Variants in GNAS observed in about 807,000 individuals in gnomAD.
GNAS encodes the protein protein ALEX.
A neutral mutation model predicts 54.5 loss-of-function variants in GNAS; 8 were observed. The observed-to-expected ratio is 0.15, with a 90% CI of 0.09 to 0.26. GNAS has a LOEUF of 0.26. GNAS is among the 10% of genes least tolerant of loss of function. The pLI is 1.00. For missense variants in GNAS, 170 were observed against 529.8 expected, an observed-to-expected ratio of 0.32 and a Z score of 6.67; for synonymous variants, 204 against 191.4, an observed-to-expected ratio of 1.07 and a Z score of -0.54.
At chr20:58,850,104 T>C (rs2086098088) in intron 1 of GNAS, among the ~76,000 whole-genome samples, 1 of 152,128 alleles carries the variant, frequency 6.6e-6, no homozygotes, top group African/African-American at 2.4e-5. Context: ...CCTTTGTTCG[T>C]GGTGGGCAAA....
Position 58,875,813 on chromosome 20 carries a change from C to A in GNAS, c.44-19799C>A, listed in dbSNP as rs143125425. Among the ~76,000 whole-genome samples, 241 of 152,258 alleles carry A rather than the reference C, an allele frequency of 1.6e-3. 3 individuals are homozygous for A. Among genetic ancestry groups the A allele is most frequent in the African/African-American group, 5.1e-3 (213 of 41,536 alleles). ...CCAGCGTCCACGGCTATGACACATA[C>A]AACAGTCAGGAAATAAAAGAGGCTT... On this transcript the variant is annotated intron_variant, in intron 1 of 12. Coordinates refer to the GNAS transcript ENST00000306090.
chr20:58,909,433 C>CTGTT lies in GNAS; in HGVS notation c.659+11_659+14dup, dbSNP rs767379134. ...ACAAAGTCAACTTCCAGTAAGCCAA[C>CTGTT]TGTTACCTTTTTATATAACAGAGAT... On this transcript the variant is annotated intron_variant, in intron 8 of 12. Transcript: ENST00000371085. The surrounding 1 kb of genome is among the most constrained non-coding windows in gnomAD (Gnocchi z 7.3). 8 of 1,612,206 alleles carry CTGTT rather than the reference C, an allele frequency of 5.0e-6. No individual in the cohort carries two copies. In the East Asian group the frequency reaches 1.6e-4, roughly 31 times the overall value.
chr20:58,868,528 A>G (rs959358002), intron 1 of GNAS, among the ~76,000 whole-genome samples: 8 of 146,286 alleles, frequency 5.5e-5, no homozygotes, highest in Admixed American at 5.4e-4. Flanking sequence ...GGCAGGCTCA[A>G]AGTGGGGCAT....
At chr20:58,845,789 C>T (rs2085920357) in intron 1 of GNAS, among the ~76,000 whole-genome samples, 1 of 152,202 alleles carries the variant, frequency 6.6e-6, no homozygotes, top group African/African-American at 2.4e-5. Flanking sequence ...AGCCTAGTGA[C>T]TTAGTTCTCC....
In GNAS at chr20:58,880,038, ATCTC is replaced by A. The variant is rs751856108; in HGVS notation, c.44-15562_44-15559del. ...AAGTCACCAAAACTGAGACTAGATA[ATCTC>A]TCTCTCTCTCTTTTTCCTCGTGTGC... is the stretch of plus-strand genomic sequence containing the variant. On this transcript the variant is annotated intron_variant, in intron 1 of 12. Transcript: ENST00000306090. Among the ~76,000 whole-genome samples, 4 of 151,786 alleles carry A rather than the reference ATCTC, an allele frequency of 2.6e-5. 1 individual carries two copies. The South Asian group carries it at 8.4e-4, about 32-fold the overall frequency.
intron 1 of GNAS, among the ~76,000 whole-genome samples, chr20:58,875,012 T>C (rs965691172): frequency 1.1e-4 from 16 of 152,254 alleles, no homozygotes; most frequent in African/African-American, 3.6e-4. Flanking sequence ...CAGCATATGA[T>C]AGTGACCTTT....
Position 58,910,947 on chromosome 20 carries a change from T to TCC in GNAS, c.*122_*123dup, listed in dbSNP as rs750236628. ...ATGATTAACAAAGCAACCTTTCCCT[T>TCC]CCCCCGAGTGATTTTGCGAAACCCC... On this transcript the variant is annotated 3_prime_UTR_variant, in exon 13 of 13. Coordinates refer to ENST00000371085, the MANE Select transcript of GNAS (RefSeq NM_000516.7). The surrounding 1 kb of genome is among the most constrained non-coding windows in gnomAD (Gnocchi z 5.8). 97 of 1,029,014 alleles carry TCC rather than the reference T, an allele frequency of 9.4e-5. No individual in the cohort carries two copies. The highest frequency in any genetic ancestry group is 1.2e-5 in the Non-Finnish European group (8 of 673,850). The allele number at this position is 1,029,014 out of a possible 1,614,324, so 63.7% of individuals were successfully genotyped here. A position where few individuals can be genotyped will look rare whatever the true frequency, so the allele number is the denominator to read the frequency against.
upstream of GNAS, chr20:58,840,011 G>A (rs560873163): frequency 9.9e-5 from 140 of 1,410,784 alleles, 1 homozygote; most frequent in South Asian, 1.6e-3. The surrounding 1 kb of genome is among the most constrained non-coding windows in gnomAD (Gnocchi z 6.0). Context: ...TCACCTCATA[G>A]GGTGTACCTT....
chr20:58,854,235 A>G, intron 1 of GNAS: 2 of 1,613,282 alleles, frequency 1.2e-6, no homozygotes, highest in South Asian at 2.2e-5. Context: ...CACTCCCGTC[A>G]ACATGGACAG....
rs2089375186 is a variant in GNAS, at chr20:58,891,745, A to G, written c.19A>G (p.Ser7Gly). Reference protein sequence around the residue: MGCLGNSKTEDQRNEEK... With the variant: MGCLGNGKTEDQRNEEK... ...CGCCGCCATGGGCTGCCTCGGGAAC[A>G]GTAAGACCGAGGACCAGCGCAACGA... Residue 7 changes from serine (S) to glycine (G), a missense_variant, in exon 1 of 13, where the codon AGT becomes GGT. This residue lies in a region of GNAS where 56 missense variants were observed against 55.7 expected (regional missense o/e 1.01). Transcript: ENST00000371085. 3 of 1,229,486 alleles carry G rather than the reference A, an allele frequency of 2.4e-6. No homozygotes were observed. The highest frequency in any genetic ancestry group is 3.2e-6 in the Non-Finnish European group (3 of 946,566). 76.2% of individuals were successfully genotyped at this position (1,229,486 alleles called of 1,614,324 possible).
rs1485527118 is a variant in GNAS at position 58,877,981 on chromosome 20, A to G, written c.44-17631A>G. 3.3e-5 allele frequency among the ~76,000 whole-genome samples: 5 copies of G among 152,308 alleles called. No homozygotes were observed. In the East Asian group the frequency reaches 9.6e-4, roughly 29 times the overall value. On this transcript the variant is annotated intron_variant, in intron 1 of 12. Coordinates refer to the GNAS transcript ENST00000306090. ...GTTAGCTGTGGAGTCCTTAGAGATG[A>G]AGGGAGCAGAGAGGGCGGAAAAAAA...
chr20:58,858,684 AT>A (rs1280370182), intron 1 of GNAS, among the ~76,000 whole-genome samples: 1 of 152,160 alleles, frequency 6.6e-6, no homozygotes, highest in Non-Finnish European at 1.5e-5. Flanking sequence ...ATGATGCTTT[AT>A]TTATACAGTG....
intron 2 of GNAS, chr20:58,898,110 G>C (rs918524830): frequency 2.0e-5 from 3 of 152,192 alleles, no homozygotes; most frequent in Admixed American, 6.5e-5. Context: ...CTTACATTTA[G>C]TGCCAGGAAC....
At chr20:58,907,750 A>T (rs1271097494) in intron 6 of GNAS, among the ~76,000 whole-genome samples, 1 of 152,258 alleles carries the variant, frequency 6.6e-6, no homozygotes, top group Non-Finnish European at 1.5e-5. Context: ...AACGCAGCTT[A>T]AAACTTTTAA....
At chr20:58,899,804 A>G (rs954274920) in intron 3 of GNAS, 23 of 643,632 alleles carry the variant, frequency 3.6e-5, no homozygotes, top group African/African-American at 1.8e-4. Flanking sequence ...TGGAGTGGCT[A>G]TTTCTCATGA....
chr20:58,892,228 G>A (rs1257665869), intron 1 of GNAS: 8 of 966,460 alleles, frequency 8.3e-6, no homozygotes, highest in Non-Finnish European at 8.6e-6. Flanking sequence ...TGGGGAGGGG[G>A]AGGGGGAGCC....
At chr20:58,900,067 T>A in intron 3 of GNAS, 1 of 542,382 alleles carries the variant, frequency 1.8e-6, no homozygotes, top group Non-Finnish European at 3.5e-6. Flanking sequence ...TATTCTGTTA[T>A]CTGAGGGGGG....
chr20:58,887,650 G>C (rs1600914637), upstream of GNAS, among the ~76,000 whole-genome samples: 1 of 152,206 alleles, frequency 6.6e-6, no homozygotes. Context: ...GTGGAAGAGA[G>C]GCCATCCATG....
At chr20:58,840,636 G>A (rs1568908369), upstream of GNAS, 1 of 1,606,072 alleles carries the variant, frequency 6.2e-7, no homozygotes, top group South Asian at 1.1e-5. The surrounding 1 kb of genome is among the most constrained non-coding windows in gnomAD (Gnocchi z 6.0). Context: ...TCCCCAAGTC[G>A]CGCGCCGCCC....
Sources: allele counts gnomAD v4.1 joint callset (sites outside exome capture counted in the v4.1 genomes callset), GRCh38; gene constraint gnomAD v4.1.1; regional missense constraint gnomAD v4.1.1; non-coding constraint Gnocchi (gnomAD v3.1); transcripts MANE v1.5; gene names NCBI Gene and HGNC (gene_info 2026-07-23, HGNC 2026-07-21).